The following GRIK3 variants were observed in gnomAD, a reference collection of about 807,000 sequenced individuals.
GRIK3 encodes the protein glutamate receptor ionotropic, kainate 3.
Under a neutral mutation model 102.5 loss-of-function variants are expected in GRIK3, and 29 were observed. The ratio of observed to expected loss-of-function variants is 0.28; its 90% CI spans 0.21 to 0.39. The LOEUF (loss-of-function observed/expected upper bound fraction) is 0.39, where lower values mean the gene tolerates loss of function less well. Ranked by LOEUF, GRIK3 falls within the 10% of genes least tolerant of loss-of-function variation. GRIK3 has a pLI of 1.00. For missense variants in GRIK3, 908 were observed against 1,252.4 expected, an observed-to-expected ratio of 0.73 and a Z score of 4.15; for synonymous variants, 511 against 504.9, an observed-to-expected ratio of 1.01 and a Z score of -0.16.
chr1:36,877,439 T>G (rs962401745), intron 3 of GRIK3, among the ~76,000 whole-genome samples: 3 of 152,174 alleles, frequency 2.0e-5, no homozygotes, highest in African/African-American at 7.2e-5. Context: ...AGGCTCTCCT[T>G]CCAACCCTCC....
intron 1 of GRIK3, among the ~76,000 whole-genome samples, chr1:37,005,081 A>G (rs1249210844): frequency 6.6e-6 from 1 of 152,130 alleles, no homozygotes; most frequent in Non-Finnish European, 1.5e-5. Flanking sequence ...GAGAACCCTC[A>G]ATTCTATTTT....
chr1:36,802,055 G>T lies in GRIK3; in HGVS notation c.2566-10C>A. Reference sequence around the variant, plus strand: ...TGCTGCAGAAGGAACGCTGCAGGAGGGTGGAGGAGAGGGGTCGGAAAAGGG... The same window carrying T: ...TGCTGCAGAAGGAACGCTGCAGGAGTGTGGAGGAGAGGGGTCGGAAAAGGG... On this transcript the variant is annotated splice_polypyrimidine_tract_variant and intron_variant, in intron 15 of 15. Coordinates refer to ENST00000373091, the MANE Select transcript of GRIK3 (RefSeq NM_000831.4). 1.9e-6 allele frequency: 3 copies of T among 1,598,372 alleles called. No individual in the cohort carries two copies. The highest frequency in any genetic ancestry group is 2.6e-6 in the Non-Finnish European group (3 of 1,171,404).
At chr1:36,804,903 A>G (rs1218104712) in intron 15 of GRIK3, 84 bp downstream of exon 15, 3 of 1,510,720 alleles carry the variant, frequency 2.0e-6, no homozygotes, top group Non-Finnish European at 2.7e-6. Flanking sequence ...ATGAGACACC[A>G]CTGTGTGCCT....
chr1:36,962,679 C>T (rs1642025911), intron 1 of GRIK3, among the ~76,000 whole-genome samples: 1 of 149,976 alleles, frequency 6.7e-6, no homozygotes, highest in Non-Finnish European at 1.5e-5. Flanking sequence ...CAGAAGTGAA[C>T]AAAAAGTCAG....
rs565214388 is a variant in GRIK3 at position 36,887,862 on chromosome 1, A to G, written c.292+3058T>C. ...ATATATATATAATGAGACTCACTACAGAAACCACCAGAATGGCCAAAATTT... is the reference window on the plus strand; with the variant it reads ...ATATATATATAATGAGACTCACTACGGAAACCACCAGAATGGCCAAAATTT... On this transcript the variant is annotated intron_variant, in intron 2 of 15. Coordinates refer to ENST00000373091, the MANE Select transcript of GRIK3 (RefSeq NM_000831.4). Among the ~76,000 whole-genome samples, 4 of 151,924 alleles carry G rather than the reference A, an allele frequency of 2.6e-5. No homozygotes were observed. The South Asian group carries it at 6.3e-4, about 24-fold the overall frequency.
intron 1 of GRIK3, among the ~76,000 whole-genome samples, chr1:36,942,677 A>G (rs3007627): frequency 0.26 from 39,524 of 150,772 alleles, 6,554 homozygotes; most frequent in African/African-American, 0.47. Flanking sequence ...ACCCTTGCCT[A>G]CAGCTGGAGG....
At chr1:36,966,211 C>G (rs1370028955) in intron 1 of GRIK3, among the ~76,000 whole-genome samples, 2 of 152,244 alleles carry the variant, frequency 1.3e-5, no homozygotes, top group Non-Finnish European at 2.9e-5. Context: ...CCCCAATCAC[C>G]TCTCCACAGG....
chr1:36,993,766 T>A (rs1055684357), intron 1 of GRIK3, among the ~76,000 whole-genome samples: 80 of 152,136 alleles, frequency 5.3e-4, no homozygotes, highest in African/African-American at 1.9e-3. Context: ...TCACCCAAGG[T>A]CATGCCTCCT....
At chr1:36,899,394 T>G (rs150138592) in intron 1 of GRIK3, among the ~76,000 whole-genome samples, 212 of 152,260 alleles carry the variant, frequency 1.4e-3, no homozygotes, top group Middle Eastern at 6.8e-3. Flanking sequence ...TTGAGGACAG[T>G]AGGCTAAGTG....
intron 1 of GRIK3, among the ~76,000 whole-genome samples, chr1:36,939,894 C>G (rs1641700957): frequency 6.6e-6 from 1 of 152,212 alleles, no homozygotes; most frequent in Non-Finnish European, 1.5e-5. Flanking sequence ...GCCCTCCTGA[C>G]ACAGTCATCT....
intron 1 of GRIK3, among the ~76,000 whole-genome samples, chr1:37,003,171 T>C (rs1642496728): frequency 6.6e-6 from 1 of 152,140 alleles, no homozygotes; most frequent in Admixed American, 6.5e-5. Flanking sequence ...GACTTAACTA[T>C]AGCATTTTAG....
At chr1:36,949,310 C>T (rs889594030) in intron 1 of GRIK3, among the ~76,000 whole-genome samples, 18 of 152,154 alleles carry the variant, frequency 1.2e-4, no homozygotes, top group African/African-American at 4.3e-4. Flanking sequence ...ATGGTGGCCT[C>T]CAGTCCCCCT....
At chr1:36,805,772 A>T (rs963598034) in intron 14 of GRIK3, among the ~76,000 whole-genome samples, 1 of 151,888 alleles carries the variant, frequency 6.6e-6, no homozygotes, top group Non-Finnish European at 1.5e-5. Context: ...CCCCGTCTCT[A>T]CTAAAAATAC....
At chr1:36,916,956 G>T (rs1179025550) in intron 1 of GRIK3, among the ~76,000 whole-genome samples, 1 of 152,194 alleles carries the variant, frequency 6.6e-6, no homozygotes, top group Non-Finnish European at 1.5e-5. Flanking sequence ...CTGACAGCCT[G>T]CACTGTGCAT....
intron 1 of GRIK3, among the ~76,000 whole-genome samples, chr1:36,910,111 A>G (rs1044943283): frequency 6.6e-6 from 1 of 152,084 alleles, no homozygotes; most frequent in Non-Finnish European, 1.5e-5. Context: ...GTGCTCTTAA[A>G]TTTAGCCAAG....
intron 13 of GRIK3, among the ~76,000 whole-genome samples, chr1:36,807,246 G>A (rs1445093978): frequency 6.6e-6 from 1 of 152,136 alleles, no homozygotes; most frequent in African/African-American, 2.4e-5. Context: ...CTGGGGCCAG[G>A]AGAGAGGAGG....
intron 1 of GRIK3, among the ~76,000 whole-genome samples, chr1:36,984,443 C>T (rs1482979414): frequency 6.6e-6 from 1 of 152,242 alleles, no homozygotes; most frequent in African/African-American, 2.4e-5. Context: ...GGGCACCTGG[C>T]CCCAGAAAGT....
At chr1:37,023,395 G>T (rs376674001) in intron 1 of GRIK3, among the ~76,000 whole-genome samples, 5 of 152,212 alleles carry the variant, frequency 3.3e-5, no homozygotes, top group African/African-American at 1.2e-4. Flanking sequence ...CCCAGAGTGT[G>T]GGGGAAAGCA....
intron 1 of GRIK3, among the ~76,000 whole-genome samples, chr1:36,908,255 A>G (rs1641307435): frequency 6.6e-6 from 1 of 152,174 alleles, no homozygotes; most frequent in South Asian, 2.1e-4. Context: ...AGGGGACCTG[A>G]CCTAAGACAG....
Sources: gnomAD v4.1 joint callset for allele counts (sites outside exome capture counted in the v4.1 genomes callset) on GRCh38, gnomAD v4.1.1 for gene constraint, MANE v1.5 for transcripts, NCBI Gene and HGNC (gene_info 2026-07-23, HGNC 2026-07-21) for gene names.